Variants in XCR1 observed in about 807,000 individuals in gnomAD.
The protein encoded by XCR1 is X-C motif chemokine receptor 1.
For missense variants in XCR1, 356 were observed against 424.2 expected (o/e 0.84, Z 1.41); for synonymous variants, 187 against 188.5 (o/e 0.99, Z 0.06).
chr3:46,039,951 T>C (rs536599550), intron 5 of XCR1, among the ~76,000 whole-genome samples: 3 of 152,310 alleles, frequency 2.0e-5, no homozygotes, highest in East Asian at 1.9e-4. Context: ...AAAAGGTTTA[T>C]GGAAATCTTA....
chr3:46,058,183 G>A (rs1697889786), intron 4 of XCR1, among the ~76,000 whole-genome samples: 1 of 152,208 alleles, frequency 6.6e-6, no homozygotes, highest in Non-Finnish European at 1.5e-5. Context: ...CATTGGTAAA[G>A]AGGGCATGGA....
At chr3:46,023,397 C>T in intron 1 of XCR1, 1 of 1,472,778 alleles carries the variant, frequency 6.8e-7, no homozygotes, top group Non-Finnish European at 9.5e-7. Flanking sequence ...TTTCTTGTCA[C>T]AAAAAGGCTG....
At chr3:46,080,971 C>T (rs1056729868) in intron 1 of XCR1, among the ~76,000 whole-genome samples, 3 of 152,142 alleles carry the variant, frequency 2.0e-5, no homozygotes, top group African/African-American at 7.2e-5. Context: ...TATCCAGCTG[C>T]CCCTGTCTCA....
At chr3:46,031,650 A>G (rs930231935), upstream of XCR1, among the ~76,000 whole-genome samples, 2 of 152,162 alleles carry the variant, frequency 1.3e-5, no homozygotes, top group African/African-American at 4.8e-5. Context: ...CCCCACCTTC[A>G]AGCTGGGGAA....
chr3:46,074,138 G>A (rs1559495547), intron 3 of XCR1, among the ~76,000 whole-genome samples: 1 of 148,176 alleles, frequency 6.7e-6, no homozygotes, highest in Non-Finnish European at 1.5e-5. Context: ...GTTTATCACA[G>A]CACAATTTAC....
intron 5 of XCR1, among the ~76,000 whole-genome samples, chr3:46,037,918 A>G (rs1466013303): frequency 6.6e-6 from 1 of 152,136 alleles, no homozygotes; most frequent in Non-Finnish European, 1.5e-5. Flanking sequence ...CGGGTCATGT[A>G]CCTAGATGAA....
chr3:46,031,917 C>T (rs956234102), upstream of XCR1, among the ~76,000 whole-genome samples: 1 of 152,200 alleles, frequency 6.6e-6, no homozygotes, highest in African/African-American at 2.4e-5. Context: ...AACCTGCCTG[C>T]AGAGAGGAGC....
upstream of XCR1, among the ~76,000 whole-genome samples, chr3:46,028,253 A>C (rs1437608532): frequency 6.6e-6 from 1 of 151,648 alleles, no homozygotes; most frequent in Admixed American, 6.6e-5. Context: ...GAGCTGTAAC[A>C]CTCCCTCCCA....
intron 1 of XCR1, among the ~76,000 whole-genome samples, chr3:46,083,784 A>G (rs1188970934): frequency 1.6e-4 from 25 of 152,210 alleles, no homozygotes; most frequent in African/African-American, 9.6e-5. Flanking sequence ...CTCTTGTTGT[A>G]TATACATAAG....
At chr3:46,075,862 G>A (rs1402309161) in intron 2 of XCR1, among the ~76,000 whole-genome samples, 1 of 152,102 alleles carries the variant, frequency 6.6e-6, no homozygotes, top group East Asian at 1.9e-4. Flanking sequence ...TATCACATAT[G>A]TATCATAATA....
chr3:46,053,839 C>T (rs976574694), intron 5 of XCR1, among the ~76,000 whole-genome samples: 5 of 152,094 alleles, frequency 3.3e-5, no homozygotes, highest in African/African-American at 1.2e-4. Flanking sequence ...AATTCTGCCC[C>T]ATGTTACCCT....
intron 2 of XCR1, among the ~76,000 whole-genome samples, chr3:46,075,107 A>C (rs1698234337): frequency 6.6e-6 from 1 of 152,104 alleles, no homozygotes; most frequent in African/African-American, 2.4e-5. Context: ...CCCAATTTTA[A>C]GACTTATTTC....
At chr3:46,047,117 T>G (rs1331255037) in intron 5 of XCR1, among the ~76,000 whole-genome samples, 1 of 152,370 alleles carries the variant, frequency 6.6e-6, no homozygotes, top group East Asian at 1.9e-4. Flanking sequence ...CTTGGTAGGC[T>G]GTGTGCATCC....
intron 5 of XCR1, among the ~76,000 whole-genome samples, chr3:46,047,847 C>T (rs1278455749): frequency 1.6e-4 from 25 of 152,178 alleles, no homozygotes; most frequent in Admixed American, 1.4e-3. Flanking sequence ...ACCTTTAGGT[C>T]CGCAATGTCT....
intron 4 of XCR1, among the ~76,000 whole-genome samples, chr3:46,063,213 T>C (rs1697997806): frequency 6.6e-6 from 1 of 152,146 alleles, no homozygotes; most frequent in Non-Finnish European, 1.5e-5. Context: ...TACAAAGGTG[T>C]GGCAGGATAT....
intron 5 of XCR1, among the ~76,000 whole-genome samples, chr3:46,045,904 G>A (rs1697616071): frequency 6.6e-6 from 1 of 152,122 alleles, no homozygotes; most frequent in South Asian, 2.1e-4. Flanking sequence ...ATATCAAAAA[G>A]CACCTAAACT....
intron 3 of XCR1, among the ~76,000 whole-genome samples, chr3:46,071,862 C>T (rs1301356903): frequency 3.3e-5 from 5 of 151,994 alleles, no homozygotes; most frequent in South Asian, 2.1e-4. Flanking sequence ...TCATACTGAA[C>T]GGTGGAAAGT....
At chr3:46,062,289 A>C (rs1446171852) in intron 4 of XCR1, among the ~76,000 whole-genome samples, 1 of 152,180 alleles carries the variant, frequency 6.6e-6, no homozygotes, top group Non-Finnish European at 1.5e-5. Flanking sequence ...TGCAGGATGC[A>C]TGGTGGAATG....
rs1338570730 is a variant in XCR1 at position 46,019,134 on chromosome 3, A to G, written c.*1812T>C. 4 of 152,210 alleles carry G rather than the reference A, an allele frequency of 2.6e-5. No homozygotes were observed. The highest frequency in any genetic ancestry group is 9.6e-5 in the African/African-American group (4 of 41,454). The allele number at this position is 152,210 out of a possible 1,614,324, so 9.4% of individuals were successfully genotyped here. ...AGGTGAAGCATAGCCATCGCCACAG[A>G]GAGAGATAAGCAATCTCTCTACTAC... On this transcript the variant is annotated 3_prime_UTR_variant, in exon 2 of 2. Coordinates refer to ENST00000309285, the MANE Select transcript of XCR1 (RefSeq NM_001024644.2).
Sources: allele counts gnomAD v4.1 joint callset (sites outside exome capture counted in the v4.1 genomes callset), GRCh38; gene constraint gnomAD v4.1.1; transcripts MANE v1.5; gene names NCBI Gene and HGNC (gene_info 2026-07-23, HGNC 2026-07-21).